The following UBOX5 variants were observed in gnomAD, a reference collection of about 807,000 sequenced individuals.
UBOX5 encodes the protein U-box domain containing 5, also known as RING finger protein 37.
Under a neutral mutation model 39.0 loss-of-function variants are expected in UBOX5, and 28 were observed. That is an observed-to-expected ratio of 0.72 (90% confidence interval 0.53 to 0.98). The LOEUF (loss-of-function observed/expected upper bound fraction) is 0.98. UBOX5 is among the 50% of genes least tolerant of loss of function. The probability of loss-of-function intolerance (pLI) is 0.00; values close to 1 mark genes in which losing one functional copy is unlikely to be tolerated. For missense variants in UBOX5, 585 were observed against 674.4 expected, an observed-to-expected ratio of 0.87 and a Z score of 1.47; for synonymous variants, 283 against 275.5, an observed-to-expected ratio of 1.03 and a Z score of -0.27.
At chr20:3,132,080 C>T (rs1163469409) in intron 1 of UBOX5, among the ~76,000 whole-genome samples, 4 of 148,982 alleles carry the variant, frequency 2.7e-5, no homozygotes, top group African/African-American at 9.9e-5. Flanking sequence ...GAGGCCAAGG[C>T]GTGAGGATCA....
intron 1 of UBOX5, among the ~76,000 whole-genome samples, chr20:3,131,406 G>A (rs2066428284): frequency 1.3e-5 from 2 of 152,056 alleles, no homozygotes; most frequent in Admixed American, 1.3e-4. Context: ...ACAGACTAAT[G>A]GGATACATTA....
chr20:3,118,758 C>A (rs139790134), intron 3 of UBOX5, among the ~76,000 whole-genome samples: 1 of 151,424 alleles, frequency 6.6e-6, no homozygotes, highest in Non-Finnish European at 1.5e-5. Flanking sequence ...GGCGACAGAG[C>A]GAGACTCCGT....
In UBOX5 at chr20:3,146,608, T is replaced by G. The variant is rs1470108427; in HGVS notation, c.-42+13158A>C. 5 of 716,114 alleles carry G rather than the reference T, an allele frequency of 7.0e-6. No homozygotes were observed. In the Admixed American group the frequency reaches 1.4e-4, roughly 20 times the overall value. The allele number at this position is 716,114 out of a possible 1,614,324, so 44.4% of individuals were successfully genotyped here. A position where few individuals can be genotyped will look rare whatever the true frequency, so the allele number is the denominator to read the frequency against. On this transcript the variant is annotated intron_variant, in intron 1 of 4. Coordinates refer to ENST00000217173, the MANE Select transcript of UBOX5 (RefSeq NM_014948.4). ...AGTAATTTGTACAATCCAACTACATTACAATTCACAGTAACATACACTAGC... is the reference window on the plus strand; with the variant it reads ...AGTAATTTGTACAATCCAACTACATGACAATTCACAGTAACATACACTAGC...
At chr20:3,159,577 G>A (rs1390515489) in intron 1 of UBOX5, among the ~76,000 whole-genome samples, 189 bp downstream of exon 1, 1 of 152,270 alleles carries the variant, frequency 6.6e-6, no homozygotes, top group African/African-American at 2.4e-5. Context: ...AGCGGCGAGA[G>A]TCACTGAAGT....
At chr20:3,114,306 G>A (rs2066276823) in intron 4 of UBOX5, among the ~76,000 whole-genome samples, 1 of 152,058 alleles carries the variant, frequency 6.6e-6, no homozygotes, top group South Asian at 2.1e-4. Flanking sequence ...GGTAGAGAAG[G>A]CAATTGGCAA....
Position 3,109,561 on chromosome 20 carries a change from G to GCCGTATCATTAAAA in UBOX5, c.*544_*545insTTTTAATGATACGG. The GCCGTATCATTAAAA allele has an allele frequency of 6.0e-6, 1 of 167,056 alleles. No individual in the cohort carries two copies. The highest frequency in any genetic ancestry group is 5.6e-5 in the Admixed American group (1 of 18,000). The allele number at this position is 167,056 out of a possible 1,614,324, so 10.3% of individuals were successfully genotyped here. A position where few individuals can be genotyped will look rare whatever the true frequency, so the allele number is the denominator to read the frequency against. On this transcript the variant is annotated 3_prime_UTR_variant, in exon 5 of 5. Coordinates refer to ENST00000217173, the MANE Select transcript of UBOX5 (RefSeq NM_014948.4). The stretch of plus-strand genomic sequence containing the variant: ...TCCACTTGTGTGGGTGCAGGTGGGC[G>GCCGTATCATTAAAA]ACAGGAGTGTGTGACACAGACAGGC...
chr20:3,110,410 A>G lies in UBOX5; in HGVS notation c.1418-96T>C, dbSNP rs899204377. 62 of 1,400,720 alleles carry G rather than the reference A, an allele frequency of 4.4e-5. No individual in the cohort carries two copies. In the Admixed American group the frequency reaches 1.0e-3, roughly 23 times the overall value. 86.8% of individuals were successfully genotyped at this position (1,400,720 alleles called of 1,614,324 possible). A position where few individuals can be genotyped will look rare whatever the true frequency, so the allele number is the denominator to read the frequency against. On this transcript the variant is annotated intron_variant, in intron 4 of 4. Transcript: ENST00000217173. ...CAGAGCCTTCCCACCGTGCTGCTGCAGCATCTGGCTTCATCCCTCCCGAGT... is the reference window on the plus strand; with the variant it reads ...CAGAGCCTTCCCACCGTGCTGCTGCGGCATCTGGCTTCATCCCTCCCGAGT...
chr20:3,148,088 GATTTA>G (rs535035783), intron 1 of UBOX5: 12 of 1,613,982 alleles, frequency 7.4e-6, no homozygotes, highest in Non-Finnish European at 1.7e-6. Context: ...ATTAGTACTT[GATTTA>G]AAGAACCCCA....
intron 1 of UBOX5, among the ~76,000 whole-genome samples, chr20:3,153,166 A>G (rs1020705932): frequency 1.3e-5 from 2 of 152,254 alleles, no homozygotes; most frequent in Admixed American, 1.3e-4. Flanking sequence ...AATTACTTCA[A>G]TTAATTCTAC....
intron 3 of UBOX5, among the ~76,000 whole-genome samples, 165 bp from the exon 4 acceptor site, chr20:3,115,631 G>T (rs747032009): frequency 6.6e-6 from 1 of 152,162 alleles, no homozygotes; most frequent in Non-Finnish European, 1.5e-5. Context: ...ACACCGGGAG[G>T]TAAAGCCCTA....
At chr20:3,130,434 T>C (rs2066420897) in intron 1 of UBOX5, among the ~76,000 whole-genome samples, 1 of 151,388 alleles carries the variant, frequency 6.6e-6, no homozygotes, top group Non-Finnish European at 1.5e-5. Context: ...CAGCCTCAAA[T>C]TCGTGAGCTC....
Position 3,110,719 on chromosome 20 carries a change from T to C in UBOX5, c.1418-405A>G, listed in dbSNP as rs111487766. On this transcript the variant is annotated intron_variant, in intron 4 of 4. Transcript: ENST00000217173. The stretch of plus-strand genomic sequence containing the variant: ...GGCGACAAGAGAAGGAAAAGGCAGG[T>C]CAGTGGGGTGGCTCAAGCCTGTAAT... 0.067 allele frequency: 17,396 copies of C among 258,426 alleles called. 749 individuals are homozygous for C. The highest frequency in any genetic ancestry group is 0.092 in the Non-Finnish European group (12,077 of 131,054). The allele number at this position is 258,426 out of a possible 1,614,324, so 16.0% of individuals were successfully genotyped here. A position where few individuals can be genotyped will look rare whatever the true frequency, so the allele number is the denominator to read the frequency against.
At chr20:3,140,014 C>CTTTTTT (rs138435815) in intron 1 of UBOX5, among the ~76,000 whole-genome samples, 49 of 78,346 alleles carry the variant, frequency 6.3e-4, no homozygotes, top group East Asian at 1.3e-3. Context: ...GGCCTTTTTA[C>CTTTTTT]TTTTTTTTTT....
At chr20:3,146,738 A>C in intron 1 of UBOX5, 1 of 1,588,394 alleles carries the variant, frequency 6.3e-7, no homozygotes, top group Non-Finnish European at 8.6e-7. Context: ...TACAGTATAC[A>C]CCTATAGCTT....
chr20:3,145,204 G>C (rs901691667), intron 1 of UBOX5, among the ~76,000 whole-genome samples: 1 of 151,852 alleles, frequency 6.6e-6, no homozygotes, highest in African/African-American at 2.4e-5. Context: ...CCAGGTGGGA[G>C]TGCACTGACA....
chr20:3,118,014 A>C (rs2148590832), intron 3 of UBOX5, among the ~76,000 whole-genome samples: 1 of 152,000 alleles, frequency 6.6e-6, no homozygotes, highest in South Asian at 2.1e-4. Flanking sequence ...TAAAAATAAA[A>C]AAAATTAGCC....
intron 4 of UBOX5, among the ~76,000 whole-genome samples, chr20:3,111,101 C>T (rs1160730102): frequency 6.6e-6 from 1 of 152,178 alleles, no homozygotes; most frequent in African/African-American, 2.4e-5. Flanking sequence ...TTCAGGGCAT[C>T]CTTGAATGAG....
intron 1 of UBOX5, among the ~76,000 whole-genome samples, chr20:3,145,130 A>AT (rs1237786998): frequency 1.3e-5 from 2 of 152,114 alleles, no homozygotes; most frequent in African/African-American, 4.8e-5. Flanking sequence ...TGGAGGAAAA[A>AT]TCCTGAAATA....
chr20:3,118,532 A>T (rs748347963), intron 3 of UBOX5, among the ~76,000 whole-genome samples: 9 of 152,060 alleles, frequency 5.9e-5, no homozygotes, highest in Non-Finnish European at 1.2e-4. Flanking sequence ...GCACTTTGGG[A>T]GGCCGAGGTG....
Sources: allele counts gnomAD v4.1 joint callset (sites outside exome capture counted in the v4.1 genomes callset), GRCh38; gene constraint gnomAD v4.1.1; transcripts MANE v1.5; gene names NCBI Gene and HGNC (gene_info 2026-07-23, HGNC 2026-07-21).